The following SERPINA10 variants were observed in gnomAD, a reference collection of about 807,000 sequenced individuals.
The protein encoded by SERPINA10 is serpin family A member 10.
Under a neutral mutation model 28.0 loss-of-function variants are expected in SERPINA10, and 24 were observed. That is an observed-to-expected ratio of 0.86 (90% confidence interval 0.62 to 1.20). SERPINA10 has a LOEUF of 1.20. Among genes scored for constraint, SERPINA10 ranks in the 50% most tolerant of loss-of-function variants. The pLI is 0.00. For synonymous variants in SERPINA10, 207 were observed against 203.9 expected (o/e 1.02, Z -0.13); for missense variants, 521 against 537.7 (o/e 0.97, Z 0.31).
intron 4 of SERPINA10, 21 bp from the exon 5 acceptor site, chr14:94,284,177 G>A (rs1894967203): frequency 6.2e-7 from 1 of 1,607,514 alleles, no homozygotes; most frequent in African/African-American, 1.3e-5. Flanking sequence ...GAAATAATGT[G>A]AAAAACCATT....
chr14:94,290,324 GA>G lies in SERPINA10; in HGVS notation c.269del (p.Ile90ThrfsTer3). 6.2e-7 allele frequency: 1 copy of G among 1,614,258 alleles called. No homozygotes were observed. The highest frequency in any genetic ancestry group is 8.5e-7 in the Non-Finnish European group (1 of 1,180,050). ...SNFGFSLLRK[I>X]SMRHDGNMVF... ...CCATGTTGCCATCGTGCCTCATGGAGATCTTTCGCAGCAGGCTGAATCCGAA... is the reference window on the plus strand; with the variant it reads ...CCATGTTGCCATCGTGCCTCATGGAGTCTTTCGCAGCAGGCTGAATCCGAA... On this transcript the variant is annotated frameshift_variant, in exon 2 of 5. Coordinates refer to ENST00000261994, the MANE Select transcript of SERPINA10 (RefSeq NM_001100607.3). LOFTEE classifies it high-confidence loss of function.
At chr14:94,285,674 G>A (rs1445927499) in intron 4 of SERPINA10, among the ~76,000 whole-genome samples, 2 of 152,064 alleles carry the variant, frequency 1.3e-5, no homozygotes, top group African/African-American at 4.8e-5. Flanking sequence ...AGCATGAAGA[G>A]GAAGAGAAGT....
rs770457875 is a variant in SERPINA10, at chr14:94,290,180, G to A, written c.414C>T (p.Pro138=). 1.4e-5 allele frequency: 22 copies of A among 1,613,706 alleles called. No homozygotes were observed. Among genetic ancestry groups the A allele is most frequent in the Middle Eastern group, 1.6e-4 (1 of 6,070 alleles). Reference sequence around the variant, plus strand: ...CCTTAAAGAGGGAAGGCAGGAGCCCGGGCTTGGTGGGCTTCAGGGCCTGCA... The same window carrying A: ...CCTTAAAGAGGGAAGGCAGGAGCCCAGGCTTGGTGGGCTTCAGGGCCTGCA... ...LHLQALKPTK[P]GLLPSLFKGL... Residue 138 remains proline (P), a synonymous_variant, in exon 2 of 5, where the codon CCC becomes CCT. Coordinates refer to ENST00000261994, the MANE Select transcript of SERPINA10 (RefSeq NM_001100607.3).
chr14:94,285,509 A>G (rs906165697), intron 4 of SERPINA10, among the ~76,000 whole-genome samples: 11 of 151,452 alleles, frequency 7.3e-5, no homozygotes, highest in Admixed American at 4.0e-4. Flanking sequence ...GTGTGTGTAT[A>G]TATATATACA....
chr14:94,288,490 G>A lies in SERPINA10; in HGVS notation c.788C>T (p.Thr263Ile), dbSNP rs764836583. 22 of 1,614,070 alleles carry A rather than the reference G, an allele frequency of 1.4e-5. No individual in the cohort carries two copies. The highest frequency in any genetic ancestry group is 1.7e-5 in the Non-Finnish European group (20 of 1,180,046). Residue 263 changes from threonine to isoleucine, a missense_variant, in exon 3 of 5, where the codon ACC (threonine) becomes ATC (isoleucine). Transcript: ENST00000261994. ...VDTFHLDKYK[T>I]IKVPMMYGAG... ...ACCGTACATCATGGGCACCTTAATG[G>A]TCTTGTACTTGTCCAGGTGGAAAGT...
intron 4 of SERPINA10, among the ~76,000 whole-genome samples, chr14:94,285,337 C>G (rs1894992056): frequency 6.6e-6 from 1 of 152,024 alleles, no homozygotes; most frequent in Non-Finnish European, 1.5e-5. Context: ...CACTGAGAAA[C>G]ACTGAGTAAC....
intron 4 of SERPINA10, among the ~76,000 whole-genome samples, chr14:94,285,160 A>G (rs986327281): frequency 6.6e-6 from 1 of 152,202 alleles, no homozygotes; most frequent in African/African-American, 2.4e-5. Context: ...GGAAGAATGT[A>G]GAGAGATGTA....
At position 94,290,179 on chromosome 14, in the gene SERPINA10, C is replaced by A; in HGVS notation, c.415G>T (p.Gly139Trp). ...CCCTTAAAGAGGGAAGGCAGGAGCC[C>A]GGGCTTGGTGGGCTTCAGGGCCTGC... ...HLQALKPTKPGLLPSLFKGLR... is the reference protein window; with the variant it reads ...HLQALKPTKPWLLPSLFKGLR... Residue 139 changes from glycine (G) to tryptophan (W), a missense_variant, in exon 2 of 5, where the codon GGG becomes TGG. Physicochemically the swap from Gly to Trp is radical, Grantham distance 184. Coordinates refer to ENST00000261994, the MANE Select transcript of SERPINA10 (RefSeq NM_001100607.3). The A allele has an allele frequency of 6.2e-7, 1 of 1,613,826 alleles. No individual in the cohort carries two copies. The highest frequency in any genetic ancestry group is 1.3e-5 in the African/African-American group (1 of 74,956).
rs772276540 is a variant in SERPINA10, at chr14:94,290,319, A to G, written c.275T>C (p.Met92Thr). 5.0e-6 allele frequency: 8 copies of G among 1,614,128 alleles called. No individual in the cohort carries two copies. In the East Asian group the frequency reaches 1.6e-4, roughly 31 times the overall value. The change falls in exon 2 of 5, where the codon ATG (methionine) becomes ACG (threonine). Residue 92 changes from methionine (M) to threonine (T), a missense_variant. By Grantham distance (81) the Met-to-Thr change is moderately conservative. Coordinates refer to ENST00000261994, the MANE Select transcript of SERPINA10 (RefSeq NM_001100607.3). ...GAAGACCATGTTGCCATCGTGCCTC[A>G]TGGAGATCTTTCGCAGCAGGCTGAA... ...FGFSLLRKISMRHDGNMVFSP... is the reference protein window; with the variant it reads ...FGFSLLRKISTRHDGNMVFSP...
intron 2 of SERPINA10, among the ~76,000 whole-genome samples, chr14:94,289,660 AAAT>A (rs1395216047): frequency 6.6e-6 from 1 of 152,152 alleles, no homozygotes; most frequent in Non-Finnish European, 1.5e-5. Flanking sequence ...AGTGCTCTGA[AAAT>A]AATAAGGACT....
Position 94,284,156 on chromosome 14 carries a change from C to T in SERPINA10, c.1144G>A (p.Val382Ile). 1 of 1,613,738 alleles carries T rather than the reference C, an allele frequency of 6.2e-7. No homozygotes were observed. Among genetic ancestry groups the T allele is most frequent in the South Asian group, 1.1e-5 (1 of 91,078 alleles). ...ACTTCAATCACTGTTCTTTGTAAAA[C>T]CTGGAAAAAGGAAATAATGTGAAAA... ...ATGRNLQVSR[V>I]LQRTVIEVDE... The change falls in exon 5 of 5, where the codon GTT becomes ATT. Residue 382 changes from valine (V) to isoleucine (I), a missense_variant and splice_region_variant. Coordinates refer to ENST00000261994, the MANE Select transcript of SERPINA10 (RefSeq NM_001100607.3).
At position 94,292,285 on chromosome 14, in the gene SERPINA10, C is replaced by A. The variant is rs1477003430; in HGVS notation, c.-51+904G>T. 2.0e-5 allele frequency among the ~76,000 whole-genome samples: 3 copies of A among 152,134 alleles called. No individual in the cohort carries two copies. The East Asian group carries it at 5.8e-4, about 29-fold the overall frequency. ...AGCAGAGTCCCCCTCCGCACCTCCTCTCCATGGGAGGACACGGTGCGAAGG... is the reference window on the plus strand; with the variant it reads ...AGCAGAGTCCCCCTCCGCACCTCCTATCCATGGGAGGACACGGTGCGAAGG... On this transcript the variant is annotated intron_variant, in intron 1 of 4. Transcript: ENST00000261994.
At chr14:94,287,134 G>A (rs1316823759) in intron 3 of SERPINA10, among the ~76,000 whole-genome samples, 2 of 152,076 alleles carry the variant, frequency 1.3e-5, no homozygotes, top group African/African-American at 2.4e-5. Context: ...CCCCAACCCT[G>A]TCATGTGTCT....
intron 1 of SERPINA10, 155 bp from the exon 2 acceptor site, chr14:94,290,798 C>T (rs367985131): frequency 7.5e-6 from 6 of 803,250 alleles, no homozygotes; most frequent in African/African-American, 5.2e-5. Flanking sequence ...GACATTTGCT[C>T]ACCCAAAGAG....
chr14:94,288,244 C>G, intron 3 of SERPINA10, 42 bp downstream of exon 3: 1 of 1,611,832 alleles, frequency 6.2e-7, no homozygotes, highest in East Asian at 2.2e-5. Context: ...TTTGCCAGTA[C>G]AGAAAGGTAG....
At chr14:94,286,064 C>T (rs758480689) in intron 4 of SERPINA10, 44 bp downstream of exon 4, 45 of 1,610,406 alleles carry the variant, frequency 2.8e-5, no homozygotes, top group Non-Finnish European at 3.8e-5. Context: ...GTTTTGGTGA[C>T]ATTTCATGCT....
Position 94,283,901 on chromosome 14 carries a change from G to T in SERPINA10, c.*64C>A. On this transcript the variant is annotated 3_prime_UTR_variant, in exon 5 of 5. Coordinates refer to ENST00000261994, the MANE Select transcript of SERPINA10 (RefSeq NM_001100607.3). ...CCCTGCCATCCATTGCTGGTATCCTGTGTGTGTTTGATACCTCAGATTCAG... is the reference window on the plus strand; with the variant it reads ...CCCTGCCATCCATTGCTGGTATCCTTTGTGTGTTTGATACCTCAGATTCAG... 6.8e-7 allele frequency: 1 copy of T among 1,470,310 alleles called. No homozygotes were observed. Among genetic ancestry groups the T allele is most frequent in the Non-Finnish European group, 9.5e-7 (1 of 1,049,626 alleles). The allele number at this position is 1,470,310 out of a possible 1,614,324, so 91.1% of individuals were successfully genotyped here.
At chr14:94,290,760 C>T (rs1895155151) in intron 1 of SERPINA10, 117 bp from the exon 2 acceptor site, 7 of 1,104,168 alleles carry the variant, frequency 6.3e-6, no homozygotes, top group Non-Finnish European at 7.7e-6. Flanking sequence ...TTAGCCCTGC[C>T]CCAGGGAGAC....
chr14:94,287,430 G>A (rs1450524122), intron 3 of SERPINA10, among the ~76,000 whole-genome samples: 1 of 152,108 alleles, frequency 6.6e-6, no homozygotes, highest in African/African-American at 2.4e-5. Flanking sequence ...CTTCCTAATA[G>A]ATCCAGAATC....
Sources: gnomAD v4.1 joint callset for allele counts (sites outside exome capture counted in the v4.1 genomes callset) on GRCh38, gnomAD v4.1.1 for gene constraint, MANE v1.5 for transcripts, NCBI Gene and HGNC (gene_info 2026-07-23, HGNC 2026-07-21) for gene names.